ASPH: variants seen among roughly 807,000 people sequenced by gnomAD.
ASPH encodes aspartate beta-hydroxylase, also known as aspartyl/asparaginyl beta-hydroxylase.
Under a neutral mutation model 118.4 loss-of-function variants are expected in ASPH, and 100 were observed. The observed-to-expected ratio is 0.84, with a 90% CI of 0.72 to 1.00. The LOEUF (loss-of-function observed/expected upper bound fraction) is 1.00. ASPH is among the 50% of genes least tolerant of loss of function. ASPH has a pLI of 0.00. For missense variants in ASPH, 920 were observed against 919.5 expected (o/e 1.00, Z -0.01); for synonymous variants, 315 against 325.6 (o/e 0.97, Z 0.35).
chr8:61,651,122 G>A lies in ASPH; in HGVS notation c.418C>T (p.Pro140Ser). Reference sequence around the variant, plus strand: ...TTTGCTTCATCTTCGATATTCTGGGGTTCTAAAATAATTGCAAAACATAGC... The same window carrying A: ...TTTGCTTCATCTTCGATATTCTGGGATTCTAAAATAATTGCAAAACATAGC... Reference protein sequence around the residue: ...PEEQVPVEAEPQNIEDEAKEQ... With the variant: ...PEEQVPVEAESQNIEDEAKEQ... Residue 140 changes from proline (P) to serine (S), a missense_variant and splice_region_variant, in exon 5 of 25, where the codon CCC becomes TCC. Coordinates refer to ENST00000379454, the MANE Select transcript of ASPH (RefSeq NM_004318.4). 2 of 1,613,318 alleles carry A rather than the reference G, an allele frequency of 1.2e-6. No homozygotes were observed. The highest frequency in any genetic ancestry group is 1.1e-5 in the South Asian group (1 of 91,022).
intron 19 of ASPH, among the ~76,000 whole-genome samples, chr8:61,554,434 T>A (rs1255342828): frequency 6.6e-6 from 1 of 152,118 alleles, no homozygotes; most frequent in Non-Finnish European, 1.5e-5. Context: ...CTGATTTAAG[T>A]CATGTGAAAG....
At chr8:61,695,234 C>T (rs988980527) in intron 1 of ASPH, among the ~76,000 whole-genome samples, 24 of 152,230 alleles carry the variant, frequency 1.6e-4, no homozygotes, top group African/African-American at 5.8e-4. Flanking sequence ...CTACTCCATA[C>T]AGCAGACAAA....
intron 16 of ASPH, among the ~76,000 whole-genome samples, chr8:61,572,812 G>C (rs1175101757): frequency 1.3e-5 from 2 of 152,130 alleles, no homozygotes; most frequent in African/African-American, 4.8e-5. Flanking sequence ...GGCACAAGGA[G>C]GCCCTCTCTC....
chr8:61,588,226 C>T (rs766783362), intron 14 of ASPH, among the ~76,000 whole-genome samples: 1 of 151,908 alleles, frequency 6.6e-6, no homozygotes, highest in Non-Finnish European at 1.5e-5. Context: ...TTTTCAAAAG[C>T]ACAAAGAAGA....
chr8:61,617,042 CCA>C (rs1849275851), intron 14 of ASPH, among the ~76,000 whole-genome samples: 2 of 152,132 alleles, frequency 1.3e-5, no homozygotes. Context: ...TATTACACAT[CCA>C]ACACATTGAA....
intron 21 of ASPH, among the ~76,000 whole-genome samples, chr8:61,539,853 T>C (rs1421476569): frequency 6.6e-6 from 1 of 152,116 alleles, no homozygotes; most frequent in Non-Finnish European, 1.5e-5. Flanking sequence ...TGAATGTGTG[T>C]TTACATCTAA....
chr8:61,547,557 A>G (rs1044624581), intron 21 of ASPH, among the ~76,000 whole-genome samples: 1 of 152,202 alleles, frequency 6.6e-6, no homozygotes, highest in Non-Finnish European at 1.5e-5. Context: ...TAACAGGTAC[A>G]TGTGTGAAGC....
At chr8:61,697,597 CT>C (rs1254775154) in intron 1 of ASPH, among the ~76,000 whole-genome samples, 1 of 152,178 alleles carries the variant, frequency 6.6e-6, no homozygotes, top group African/African-American at 2.4e-5. Context: ...CCAACACCCC[CT>C]CCTCCAGTTT....
In ASPH at chr8:61,503,423, A is replaced by G. The variant is rs1245883167; in HGVS notation, c.2213T>C (p.Phe738Ser). The G allele has an allele frequency of 7.4e-6, 12 of 1,613,162 alleles. No individual in the cohort carries two copies. Among genetic ancestry groups the G allele is most frequent in the Admixed American group, 3.3e-5 (2 of 59,904 alleles). Reference sequence around the variant, plus strand: ...TTCCGGATGCCACACATCCACGATGAATATCAGCCGGAAAGATGAGGCATC... The same window carrying G: ...TTCCGGATGCCACACATCCACGATGGATATCAGCCGGAAAGATGAGGCATC... ...WQDASSFRLI[F>S]IVDVWHPELT... Residue 738 changes from phenylalanine (F) to serine (S), a missense_variant, in exon 25 of 25, where the codon TTC becomes TCC. Physicochemically the swap from Phe to Ser is radical, Grantham distance 155. Transcript: ENST00000379454.
At chr8:61,513,780 C>A (rs1809782169) in intron 24 of ASPH, among the ~76,000 whole-genome samples, 1 of 152,146 alleles carries the variant, frequency 6.6e-6, no homozygotes, top group Admixed American at 6.5e-5. Context: ...ATTCAAGACC[C>A]CCCTCTGAGT....
intron 16 of ASPH, 106 bp from the exon 17 acceptor site, chr8:61,567,424 G>A: frequency 2.4e-6 from 3 of 1,234,730 alleles, no homozygotes; most frequent in South Asian, 1.7e-5. Flanking sequence ...TAAAAGAAAT[G>A]TAAGACACGT....
intron 16 of ASPH, among the ~76,000 whole-genome samples, chr8:61,570,042 C>G (rs868335800): frequency 5.9e-5 from 9 of 152,180 alleles, no homozygotes; most frequent in African/African-American, 2.2e-4. Context: ...TACAGATGTT[C>G]ACTGACTTTC....
chr8:61,647,598 G>A (rs1236442858), intron 5 of ASPH, among the ~76,000 whole-genome samples: 1 of 152,088 alleles, frequency 6.6e-6, no homozygotes, highest in African/African-American at 2.4e-5. Context: ...TTGAACCTGG[G>A]GGGCAGAAGT....
intron 5 of ASPH, among the ~76,000 whole-genome samples, chr8:61,649,484 G>T: frequency 6.6e-6 from 1 of 152,030 alleles, no homozygotes; most frequent in East Asian, 1.9e-4. Flanking sequence ...TGAGCAATGA[G>T]GGCTGCAGCT....
At chr8:61,708,382 A>G (rs1168847495) in intron 1 of ASPH, among the ~76,000 whole-genome samples, 1 of 152,252 alleles carries the variant, frequency 6.6e-6, no homozygotes, top group Non-Finnish European at 1.5e-5. Flanking sequence ...TTCAACAAAT[A>G]TTTACAACAC....
intron 17 of ASPH, among the ~76,000 whole-genome samples, chr8:61,564,256 AG>A (rs2059473553): frequency 6.6e-6 from 1 of 151,782 alleles, no homozygotes; most frequent in Non-Finnish European, 1.5e-5. Context: ...GCAGAGCCAT[AG>A]TGGAGACTGA....
At chr8:61,647,237 T>C (rs1482529950) in intron 5 of ASPH, among the ~76,000 whole-genome samples, 1 of 152,228 alleles carries the variant, frequency 6.6e-6, no homozygotes, top group Non-Finnish European at 1.5e-5. Flanking sequence ...TACTAATATA[T>C]TTGCCTCTTC....
intron 1 of ASPH, among the ~76,000 whole-genome samples, chr8:61,690,992 T>C (rs980634336): frequency 6.6e-6 from 1 of 152,188 alleles, no homozygotes; most frequent in African/African-American, 2.4e-5. Flanking sequence ...AGCAATATTT[T>C]ATCTATCCTT....
chr8:61,663,646 A>C (rs1818051198), intron 3 of ASPH: 1 of 985,158 alleles, frequency 1.0e-6, no homozygotes, highest in African/African-American at 1.7e-5. Context: ...TAATGTGTAA[A>C]AATGGCAAAA....
Sources: gnomAD v4.1 joint callset for allele counts (sites outside exome capture counted in the v4.1 genomes callset) on GRCh38, gnomAD v4.1.1 for gene constraint, MANE v1.5 for transcripts, NCBI Gene and HGNC (gene_info 2026-07-23, HGNC 2026-07-21) for gene names.